CDK11A: variants seen among roughly 807,000 people sequenced by gnomAD.
CDK11A encodes the protein cyclin-dependent kinase 11A.
A neutral mutation model predicts 83.6 loss-of-function variants in CDK11A; 55 were observed. The observed-to-expected ratio is 0.66, with a 90% CI of 0.53 to 0.82. The LOEUF (loss-of-function observed/expected upper bound fraction) is 0.82. Among genes scored for constraint, CDK11A ranks in the 40% least tolerant of loss-of-function variants. CDK11A has a pLI of 0.00. For missense variants in CDK11A, 564 were observed against 810.1 expected, an observed-to-expected ratio of 0.70 and a Z score of 3.69; for synonymous variants, 247 against 302.7, an observed-to-expected ratio of 0.82 and a Z score of 1.91.
chr1:1,704,213 G>C lies in CDK11A; in HGVS notation c.1686+10C>G, dbSNP rs776323284. 8 of 1,608,368 alleles carry C rather than the reference G, an allele frequency of 5.0e-6. No individual in the cohort carries two copies. The highest frequency in any genetic ancestry group is 6.8e-6 in the Non-Finnish European group (8 of 1,176,732). On this transcript the variant is annotated intron_variant, in intron 15 of 19. Coordinates refer to ENST00000404249, the MANE Select transcript of CDK11A (RefSeq NM_024011.4). ...TCACCCTGGGATGGGCCACTCGGAGGGGGGCTCACCTTGAGGATGCCGGCG... is the reference window on the plus strand; with the variant it reads ...TCACCCTGGGATGGGCCACTCGGAGCGGGGCTCACCTTGAGGATGCCGGCG...
intron 11 of CDK11A, among the ~76,000 whole-genome samples, chr1:1,706,835 GC>G (rs948314769): frequency 1.3e-5 from 2 of 150,162 alleles, no homozygotes; most frequent in Admixed American, 1.3e-4. Context: ...GAACCTCTCC[GC>G]CCACAGGCAC....
chr1:1,720,704 T>TATC (rs70937184), intron 3 of CDK11A, among the ~76,000 whole-genome samples: 1 of 143,228 alleles, frequency 7.0e-6, no homozygotes, highest in African/African-American at 2.5e-5. Context: ...GACTTATTAT[T>TATC]TTTTTCAGAC....
rs1274366317 is a variant in CDK11A, at chr1:1,719,444, T to A, written c.239A>T (p.Asp80Val). The A allele has an allele frequency of 1.3e-6, 2 of 1,507,400 alleles. No individual in the cohort carries two copies. Among genetic ancestry groups the A allele is most frequent in the East Asian group, 4.9e-5 (2 of 40,540 alleles). 93.4% of individuals were successfully genotyped at this position (1,507,400 alleles called of 1,614,324 possible). Reference protein sequence around the residue: ...EDSMEDRGEEDDSLAIKPPQQ... With the variant: ...EDSMEDRGEEVDSLAIKPPQQ... ...GGGTGGTTTGATGGCCAAAGAATCATCTTCTTCTCCTCTGAAATAAAACAC... is the reference window on the plus strand; with the variant it reads ...GGGTGGTTTGATGGCCAAAGAATCAACTTCTTCTCCTCTGAAATAAAACAC... The change falls in exon 4 of 20, where the codon GAT (aspartate) becomes GTT (valine). Residue 80 changes from aspartate to valine, a missense_variant. Physicochemically the swap from Asp to Val is radical, Grantham distance 152 (BLOSUM62 -3). Coordinates refer to ENST00000404249, the MANE Select transcript of CDK11A (RefSeq NM_024011.4).
In CDK11A at chr1:1,704,787, C is replaced by T. The variant is rs768715482; in HGVS notation, c.1458+117G>A. On this transcript the variant is annotated intron_variant, in intron 13 of 19. Transcript: ENST00000404249. ...AGGCAAATACTTGCTTCTGTGTGGT[C>T]TGTGAAGGGCTCCACTAAGTGCAGG... 4 of 1,594,340 alleles carry T rather than the reference C, an allele frequency of 2.5e-6. No individual in the cohort carries two copies. In the South Asian group the frequency reaches 4.5e-5, roughly 18 times the overall value.
chr1:1,716,467 T>A lies in CDK11A; in HGVS notation c.367A>T (p.Arg123Ter). Residue 123 changes from arginine to a stop codon, truncating the protein, a stop_gained, in exon 5 of 20, where the codon AGA (arginine) becomes TGA (stop). Transcript: ENST00000404249. LOFTEE classifies it high-confidence loss of function. ...SHSAEGGKHA[R>*]VKEREHERRK... ...CGTTCGTGCTCTCTTTCTTTCACTC[T>A]AGCATGCTTCCCTAATGAGAAATAA... 2 of 1,608,448 alleles carry A rather than the reference T, an allele frequency of 1.2e-6. No individual in the cohort carries two copies. The highest frequency in any genetic ancestry group is 1.7e-4 in the Middle Eastern group (1 of 6,028).
Position 1,716,349 on chromosome 1 carries a change from T to G in CDK11A, c.485A>C (p.Glu162Ala), listed in dbSNP as rs1644643974. 6.2e-7 allele frequency: 1 copy of G among 1,608,782 alleles called. No individual in the cohort carries two copies. ...TCAACTGACCCAGCCCACTCACCTTTCTCTCCTGGAATGCTCCCTTGCCAT... is the reference window on the plus strand; with the variant it reads ...TCAACTGACCCAGCCCACTCACCTTGCTCTCCTGGAATGCTCCCTTGCCAT... ...REMAREHSRR[E>A]RDRLEQLERK... The change falls in exon 5 of 20, where the codon GAA (glutamate) becomes GCA (alanine). Residue 162 changes from glutamate to alanine, a missense_variant. Transcript: ENST00000404249.
At chr1:1,716,814 C>CAAAAAAAAA (rs1168780288) in intron 4 of CDK11A, among the ~76,000 whole-genome samples, 11 of 76,680 alleles carry the variant, frequency 1.4e-4, no homozygotes, top group African/African-American at 4.1e-4. Flanking sequence ...GACTCCATCT[C>CAAAAAAAAA]AAAAAAAAAA....
rs141881351 is a variant in CDK11A at position 1,704,913 on chromosome 1, G to C, written c.1449C>G (p.Val483=). The change falls in exon 13 of 20, where the codon GTC becomes GTG. Residue 483 remains valine (V), a synonymous_variant. Coordinates refer to ENST00000404249, the MANE Select transcript of CDK11A (RefSeq NM_024011.4). ...TILKAQHPNI[V]TVREIVVGSN... is the part of the protein sequence containing the mutation. ...GTGGGGCCATGCTCACTCTAACGGT[G>C]ACAATGTTGGGATGCTGGGCCTTGA... 4.5e-4 allele frequency: 716 copies of C among 1,596,528 alleles called. 51 individuals carry two copies. In the African/African-American group the frequency reaches 8.0e-3, roughly 18 times the overall value.
chr1:1,710,595 G>A lies in CDK11A; in HGVS notation c.626-955C>T, dbSNP rs183172522. ...ACAAGAGAAACAAAGAAACAGGACA[G>A]TATGTCCCATTCAGAGGGGAAAAAA... On this transcript the variant is annotated intron_variant, in intron 6 of 19. Transcript: ENST00000404249. Among the ~76,000 whole-genome samples, 487 of 145,488 alleles carry A rather than the reference G, an allele frequency of 3.3e-3. 5 individuals are homozygous for A. The highest frequency in any genetic ancestry group is 0.012 in the African/African-American group (473 of 40,410).
intron 5 of CDK11A, among the ~76,000 whole-genome samples, chr1:1,715,276 A>G (rs1231196849): frequency 7.7e-6 from 1 of 129,390 alleles, no homozygotes; most frequent in Non-Finnish European, 1.7e-5. Flanking sequence ...CACGTAGCAT[A>G]TGCTACCACA....
intron 9 of CDK11A, among the ~76,000 whole-genome samples, chr1:1,708,533 T>C (rs1644408353): frequency 8.1e-6 from 1 of 123,100 alleles, no homozygotes. Context: ...CCCAGCTACT[T>C]GGGAGGCTGA....
chr1:1,715,684 G>A (rs1361766664), intron 5 of CDK11A, among the ~76,000 whole-genome samples: 1 of 151,230 alleles, frequency 6.6e-6, no homozygotes, highest in East Asian at 1.9e-4. Flanking sequence ...ACGCCCTTCC[G>A]CTTCAGACTC....
Position 1,716,498 on chromosome 1 carries a change from C to CA in CDK11A, c.356-21dup, listed in dbSNP as rs199846682. ...GCTTCCCTAATGAGAAATAAAGTGT[C>CA]ATGCAAAGAAACCTCACTTCAAAAA... On this transcript the variant is annotated intron_variant, in intron 4 of 19. Transcript: ENST00000404249. 3.5e-3 allele frequency: 5,546 copies of CA among 1,604,620 alleles called. 340 individuals are homozygous for CA. The African/African-American group carries it at 0.064, about 18-fold the overall frequency.
At chr1:1,706,409 C>A (rs1288125600) in intron 11 of CDK11A, among the ~76,000 whole-genome samples, 1 of 151,348 alleles carries the variant, frequency 6.6e-6, no homozygotes, top group Non-Finnish European at 1.5e-5. Flanking sequence ...ATTAGCCAGG[C>A]ATGGTGGCTT....
rs1644362681 is a variant in CDK11A, at chr1:1,707,495, T to A, written c.1159A>T (p.Thr387Ser). 1 of 1,605,532 alleles carries A rather than the reference T, an allele frequency of 6.2e-7. No homozygotes were observed. Among genetic ancestry groups the A allele is most frequent in the Non-Finnish European group, 8.5e-7 (1 of 1,175,276 alleles). The change falls in exon 11 of 20, where the codon ACA becomes TCA. Residue 387 changes from threonine (T) to serine (S), a missense_variant. Transcript: ENST00000404249. ...GEGTPQSSAL[T>S]EGDYVPDSPA... The stretch of plus-strand genomic sequence containing the variant: ...GAGTCGGGCACATAGTCGCCCTCTG[T>A]CAGGGCGCTGCTCTGCGGCGTTCCC...
chr1:1,707,489 C>T lies in CDK11A; in HGVS notation c.1165G>A (p.Gly389Ser), dbSNP rs759424277. 1 of 1,606,022 alleles carries T rather than the reference C, an allele frequency of 6.2e-7. No homozygotes were observed. Among genetic ancestry groups the T allele is most frequent in the Non-Finnish European group, 8.5e-7 (1 of 1,175,438 alleles). ...GTPQSSALTE[G>S]DYVPDSPALL... ...GCAGGGGAGTCGGGCACATAGTCGC[C>T]CTCTGTCAGGGCGCTGCTCTGCGGC... The change falls in exon 11 of 20, where the codon GGC (glycine) becomes AGC (serine). Residue 389 changes from glycine (G) to serine (S), a missense_variant. Physicochemically the swap from Gly to Ser is moderately conservative, Grantham distance 56. Coordinates refer to ENST00000404249, the MANE Select transcript of CDK11A (RefSeq NM_024011.4).
At chr1:1,719,574 C>A in intron 3 of CDK11A, 119 bp from the exon 4 acceptor site, 367 of 466,820 alleles carry the variant, frequency 7.9e-4, no homozygotes, top group East Asian at 1.8e-3. Flanking sequence ...GAAGCTGAAA[C>A]ATCATTTAAA....
intron 3 of CDK11A, 25 bp from the exon 4 acceptor site, chr1:1,719,480 C>T (rs200418535): frequency 5.7e-6 from 8 of 1,414,386 alleles, no homozygotes; most frequent in Admixed American, 5.8e-5. Context: ...AACAGCACTG[C>T]GTCATGCTTG....
intron 9 of CDK11A, among the ~76,000 whole-genome samples, 154 bp from the exon 10 acceptor site, chr1:1,708,399 G>C (rs1200415217): frequency 6.7e-6 from 1 of 149,910 alleles, no homozygotes; most frequent in Admixed American, 6.7e-5. Flanking sequence ...CCAGTGCTTT[G>C]GGAGGCCGAG....
Sources: gnomAD v4.1 joint callset for allele counts (sites outside exome capture counted in the v4.1 genomes callset) on GRCh38, gnomAD v4.1.1 for gene constraint, MANE v1.5 for transcripts, NCBI Gene and HGNC (gene_info 2026-07-23, HGNC 2026-07-21) for gene names.